TPRG1L: variants seen among roughly 807,000 people sequenced by gnomAD.
TPRG1L encodes the protein tumor protein p63-regulated gene 1-like protein.
TPRG1L carries 25 observed loss-of-function variants against 29.4 expected under a neutral mutation model. The ratio of observed to expected loss-of-function variants is 0.85; its 90% CI spans 0.62 to 1.19. TPRG1L has a LOEUF of 1.19. TPRG1L is among the 50% of genes most tolerant of loss of function. The pLI is 0.00. For missense variants in TPRG1L, 354 were observed against 364.4 expected (o/e 0.97, Z 0.23); for synonymous variants, 182 against 151.1 (o/e 1.20, Z -1.50).
In TPRG1L at chr1:3,628,820, A is replaced by G. The variant is rs930757739; in HGVS notation, c.*217A>G. 3.6e-5 allele frequency: 16 copies of G among 444,684 alleles called. 1 individual carries two copies. Among genetic ancestry groups the G allele is most frequent in the East Asian group, 1.0e-4 (3 of 30,146 alleles). 27.5% of individuals were successfully genotyped at this position (444,684 alleles called of 1,614,324 possible). On this transcript the variant is annotated 3_prime_UTR_variant, in exon 5 of 5. Coordinates refer to ENST00000378344, the MANE Select transcript of TPRG1L (RefSeq NM_182752.4). ...TAATTGGATATTGGACTCTGCTCATATAAGCTACAGACAAAAGCCAAAAGA... is the reference window on the plus strand; with the variant it reads ...TAATTGGATATTGGACTCTGCTCATGTAAGCTACAGACAAAAGCCAAAAGA...
In TPRG1L at chr1:3,625,133, G is replaced by T; in HGVS notation, c.61G>T (p.Ala21Ser). ...TACGAGCCCCACGGCGGTGCTGGCG[G>T]CCGGCGAGGAGGTGGGGGCAGGCGG... ...AGTSPTAVLAAGEEVGAGGGP... is the reference protein window; with the variant it reads ...AGTSPTAVLASGEEVGAGGGP... Residue 21 changes from alanine to serine, a missense_variant, in exon 1 of 5, where the codon GCC becomes TCC. By Grantham distance (99) the Ala-to-Ser change is moderately conservative. Transcript: ENST00000378344. The T allele has an allele frequency of 8.1e-7, 1 of 1,231,268 alleles. No homozygotes were observed. The allele number at this position is 1,231,268 out of a possible 1,614,324, so 76.3% of individuals were successfully genotyped here.
rs1557449937 is a variant in TPRG1L, at chr1:3,628,600, T to C, written c.816T>C (p.Phe272=). The change falls in exon 5 of 5, where the codon TTT becomes TTC. Residue 272 remains phenylalanine, a synonymous_variant. Transcript: ENST00000378344. ...CCATGACCAGGGGCAAAATAGGCTT[T>C]TAGCCGCTGCGTTCTGGGAGCTCCT... ...GYSMTRGKIG[F] 6.3e-7 allele frequency: 1 copy of C among 1,596,028 alleles called. No individual in the cohort carries two copies. The highest frequency in any genetic ancestry group is 2.3e-5 in the East Asian group (1 of 44,354).
intron 4 of TPRG1L, 69 bp downstream of exon 4, chr1:3,627,722 A>C: frequency 6.3e-7 from 1 of 1,598,166 alleles, no homozygotes; most frequent in Non-Finnish European, 8.5e-7. Flanking sequence ...AGTCACGGAG[A>C]CACTTCAGGT....
chr1:3,625,343 G>A (rs1644475970), intron 1 of TPRG1L, 70 bp downstream of exon 1: 2 of 1,533,130 alleles, frequency 1.3e-6, no homozygotes, highest in African/African-American at 1.4e-5. Flanking sequence ...TGGGGTCGGA[G>A]GCGGGCGCCG....
chr1:3,625,968 C>A, intron 3 of TPRG1L, 79 bp downstream of exon 3: 1 of 1,365,200 alleles, frequency 7.3e-7, no homozygotes, highest in Non-Finnish European at 9.9e-7. Context: ...TAAATCAGCC[C>A]CCCAAGCGGT....
At chr1:3,626,276 T>A (rs890773272) in intron 3 of TPRG1L, among the ~76,000 whole-genome samples, 104 of 152,378 alleles carry the variant, frequency 6.8e-4, no homozygotes, top group African/African-American at 2.4e-3. Flanking sequence ...GCTAATTTTT[T>A]AAAGAGAAAT....
At position 3,628,732 on chromosome 1, in the gene TPRG1L, T is replaced by C; in HGVS notation, c.*129T>C. ...TGCTGCCCTGCTGCTGCTGGAAGGA[T>C]GGGGATCTTTCACCTTTAGGGATCT... On this transcript the variant is annotated 3_prime_UTR_variant, in exon 5 of 5. Coordinates refer to ENST00000378344, the MANE Select transcript of TPRG1L (RefSeq NM_182752.4). The C allele has an allele frequency of 1.2e-6, 1 of 861,718 alleles. No individual in the cohort carries two copies. Among genetic ancestry groups the C allele is most frequent in the South Asian group, 1.9e-5 (1 of 52,260 alleles). The allele number at this position is 861,718 out of a possible 1,614,324, so 53.4% of individuals were successfully genotyped here. A position where few individuals can be genotyped will look rare whatever the true frequency, so the allele number is the denominator to read the frequency against.
Position 3,628,560 on chromosome 1 carries a change from C to T in TPRG1L, c.776C>T (p.Ala259Val), listed in dbSNP as rs768388046. 9.9e-6 allele frequency: 16 copies of T among 1,612,564 alleles called. No individual in the cohort carries two copies. Among genetic ancestry groups the T allele is most frequent in the African/African-American group, 1.3e-5 (1 of 74,672 alleles). The part of the protein sequence containing the change: ...VGLMSFINNE[A>V]KLGYSMTRGK... ...CTCATGTCCTTCATTAACAACGAGG[C>T]GAAACTGGGCTACTCCATGACCAGG... Residue 259 changes from alanine (A) to valine (V), a missense_variant, in exon 5 of 5, where the codon GCG (alanine) becomes GTG (valine). Physicochemically the swap from Ala to Val is moderately conservative, Grantham distance 64. Coordinates refer to ENST00000378344, the MANE Select transcript of TPRG1L (RefSeq NM_182752.4).
At chr1:3,625,679 C>T in intron 2 of TPRG1L, 34 bp from the exon 3 acceptor site, 1 of 1,592,984 alleles carries the variant, frequency 6.3e-7, no homozygotes, top group Non-Finnish European at 8.6e-7. Flanking sequence ...ACAGCCGCGT[C>T]CAGTGTGGAC....
rs751919059 is a variant in TPRG1L, at chr1:3,625,500, T to C, written c.278T>C (p.Val93Ala). 3 of 1,604,522 alleles carry C rather than the reference T, an allele frequency of 1.9e-6. No homozygotes were observed. Among genetic ancestry groups the C allele is most frequent in the Non-Finnish European group, 2.5e-6 (3 of 1,177,012 alleles). ...GTGGAGGACGGCGAGATCCAGGGAG[T>C]GTGGCTGCTTACCGAGTAAGCCGGG... The part of the protein sequence containing the change: ...RPVEDGEIQG[V>A]WLLTEVDHWN... The change falls in exon 2 of 5, where the codon GTG becomes GCG. Residue 93 changes from valine (V) to alanine (A), a missense_variant. Physicochemically the swap from Val to Ala is moderately conservative, Grantham distance 64. Transcript: ENST00000378344.
At position 3,627,430 on chromosome 1, in the gene TPRG1L, A is replaced by C; in HGVS notation, c.471-70A>C. 3 of 1,566,492 alleles carry C rather than the reference A, an allele frequency of 1.9e-6. No individual in the cohort carries two copies. In the South Asian group the frequency reaches 3.4e-5, roughly 18 times the overall value. ...CTGTCATATTCTCCTAACTGATGAGACTGTCAGATTGTCCATGAGAGCACT... is the reference window on the plus strand; with the variant it reads ...CTGTCATATTCTCCTAACTGATGAGCCTGTCAGATTGTCCATGAGAGCACT... On this transcript the variant is annotated intron_variant, in intron 3 of 4. Coordinates refer to ENST00000378344, the MANE Select transcript of TPRG1L (RefSeq NM_182752.4).
intron 1 of TPRG1L, 50 bp from the exon 2 acceptor site, chr1:3,625,374 G>C (rs745358453): frequency 5.2e-6 from 8 of 1,548,108 alleles, no homozygotes; most frequent in Non-Finnish European, 7.0e-6. Context: ...CAGGGAGCGA[G>C]CTGTGACCTG....
chr1:3,627,905 T>C (rs1233593419), intron 4 of TPRG1L, among the ~76,000 whole-genome samples: 1 of 152,270 alleles, frequency 6.6e-6, no homozygotes, highest in African/African-American at 2.4e-5. Flanking sequence ...CTCCATAATG[T>C]GGCCTCCTGA....
At chr1:3,627,874 A>G (rs1644500778) in intron 4 of TPRG1L, among the ~76,000 whole-genome samples, 1 of 152,258 alleles carries the variant, frequency 6.6e-6, no homozygotes, top group African/African-American at 2.4e-5. Flanking sequence ...GCATGTGGCC[A>G]GTGGCTGCTG....
At position 3,628,610 on chromosome 1, in the gene TPRG1L, CGTTCTGG is replaced by C. The variant is rs1644505253; in HGVS notation, c.*9_*15del. The C allele has an allele frequency of 6.4e-7, 1 of 1,569,822 alleles. No homozygotes were observed. The highest frequency in any genetic ancestry group is 1.1e-5 in the South Asian group (1 of 87,498). ...GGGCAAAATAGGCTTTTAGCCGCTG[CGTTCTGG>C]GAGCTCCTCCCCCTTCTGGGAGCTC... On this transcript the variant is annotated 3_prime_UTR_variant, in exon 5 of 5. Transcript: ENST00000378344.
chr1:3,627,203 C>T (rs1015629191), intron 3 of TPRG1L, among the ~76,000 whole-genome samples: 4 of 151,882 alleles, frequency 2.6e-5, no homozygotes, highest in African/African-American at 9.7e-5. Flanking sequence ...CCAGCTACTC[C>T]GGAGGCTGAG....
At chr1:3,628,125 G>A (rs1644502077) in intron 4 of TPRG1L, among the ~76,000 whole-genome samples, 1 of 152,166 alleles carries the variant, frequency 6.6e-6, no homozygotes, top group South Asian at 2.1e-4. Flanking sequence ...GTTGGGTGAC[G>A]GCAAAGCCAC....
rs1644514142 is a variant in TPRG1L, at chr1:3,630,058, A to C, written c.*1455A>C. On this transcript the variant is annotated 3_prime_UTR_variant, in exon 5 of 5. Coordinates refer to ENST00000378344, the MANE Select transcript of TPRG1L (RefSeq NM_182752.4). Reference sequence around the variant, plus strand: ...TGGGGACTCTAGCCTCTGTGTTCATAAAGACATTAAGAAGTGGATGGATGT... The same window carrying C: ...TGGGGACTCTAGCCTCTGTGTTCATCAAGACATTAAGAAGTGGATGGATGT... The C allele has an allele frequency of 6.6e-6, 1 of 152,238 alleles. No individual in the cohort carries two copies. The highest frequency in any genetic ancestry group is 1.5e-5 in the Non-Finnish European group (1 of 68,040). The allele number at this position is 152,238 out of a possible 1,614,324, so 9.4% of individuals were successfully genotyped here.
chr1:3,625,752 G>T lies in TPRG1L; in HGVS notation c.333G>T (p.Leu111=). 1 of 1,613,330 alleles carries T rather than the reference G, an allele frequency of 6.2e-7. No homozygotes were observed. The highest frequency in any genetic ancestry group is 8.5e-7 in the Non-Finnish European group (1 of 1,179,948). Residue 111 remains leucine, a synonymous_variant, in exon 3 of 5, where the codon CTG becomes CTT. Coordinates refer to ENST00000378344, the MANE Select transcript of TPRG1L (RefSeq NM_182752.4). ...ACAATGAGAAGGAGCGGCTGGTGCT[G>T]GTCACGGAGCAGTCCCTGCTTATCT... ...HWNNEKERLV[L]VTEQSLLICK...
Sources: allele counts gnomAD v4.1 joint callset (sites outside exome capture counted in the v4.1 genomes callset), GRCh38; gene constraint gnomAD v4.1.1; transcripts MANE v1.5; gene names NCBI Gene and HGNC (gene_info 2026-07-23, HGNC 2026-07-21).